Variants in MAP4K3 observed in about 807,000 individuals in gnomAD.
The protein encoded by MAP4K3 is MAPK/ERK kinase kinase kinase 3.
MAP4K3 carries 94 observed loss-of-function variants against 143.5 expected under a neutral mutation model. That is an observed-to-expected ratio of 0.65 (90% CI 0.55 to 0.78). The LOEUF is 0.78. MAP4K3 is among the 30% of genes least tolerant of loss of function. MAP4K3 has a pLI of 0.00. For synonymous variants in MAP4K3, 416 were observed against 347.2 expected, an observed-to-expected ratio of 1.20 and a Z score of -2.20; for missense variants, 1,077 against 1,068.1, an observed-to-expected ratio of 1.01 and a Z score of -0.12.
At chr2:39,350,156 T>C (rs567352731) in intron 3 of MAP4K3, among the ~76,000 whole-genome samples, 2 of 152,204 alleles carry the variant, frequency 1.3e-5, no homozygotes, top group Non-Finnish European at 2.9e-5. Flanking sequence ...GCCTTAAGTG[T>C]TGATAATGCC....
intron 24 of MAP4K3, among the ~76,000 whole-genome samples, chr2:39,277,702 T>C (rs1681330463): frequency 1.3e-5 from 2 of 152,092 alleles, no homozygotes; most frequent in South Asian, 4.2e-4. Context: ...GCAGTTGGGA[T>C]TATAGGCACA....
At chr2:39,341,580 C>T (rs572640326) in intron 4 of MAP4K3, among the ~76,000 whole-genome samples, 14 of 151,594 alleles carry the variant, frequency 9.2e-5, no homozygotes, top group Admixed American at 2.6e-4. Context: ...CACTTGAACC[C>T]GGGAGGTGGA....
At chr2:39,309,933 T>C (rs1213100244) in intron 13 of MAP4K3, among the ~76,000 whole-genome samples, 1 of 152,182 alleles carries the variant, frequency 6.6e-6, no homozygotes, top group Non-Finnish European at 1.5e-5. Flanking sequence ...CATTTAATGC[T>C]ACCATCAACC....
chr2:39,309,703 G>A (rs1034063599), intron 13 of MAP4K3, among the ~76,000 whole-genome samples, 184 bp from the exon 14 acceptor site: 1 of 151,238 alleles, frequency 6.6e-6, no homozygotes, highest in Non-Finnish European at 1.5e-5. Flanking sequence ...GACTACAGGC[G>A]CCCTCCACCA....
At chr2:39,346,803 G>C (rs761993072) in intron 3 of MAP4K3, among the ~76,000 whole-genome samples, 2 of 152,026 alleles carry the variant, frequency 1.3e-5, no homozygotes, top group African/African-American at 4.8e-5. Flanking sequence ...ACTCTATGCA[G>C]ATTACTTAGA....
intron 16 of MAP4K3, among the ~76,000 whole-genome samples, chr2:39,297,217 A>C (rs1682317721): frequency 6.6e-6 from 1 of 151,894 alleles, no homozygotes; most frequent in Non-Finnish European, 1.5e-5. Flanking sequence ...TCCTGGGTTC[A>C]AGCGATTCCC....
chr2:39,436,651 G>T, intron 1 of MAP4K3: 1 of 545,066 alleles, frequency 1.8e-6, no homozygotes, highest in South Asian at 2.0e-5. Flanking sequence ...CGCGCAAGAA[G>T]GGAGGTGGCA....
At chr2:39,273,042 A>G (rs1343694411) in intron 24 of MAP4K3, among the ~76,000 whole-genome samples, 1 of 151,998 alleles carries the variant, frequency 6.6e-6, no homozygotes, top group Non-Finnish European at 1.5e-5. Context: ...GATGATGAAA[A>G]CTCATAAATC....
intron 24 of MAP4K3, among the ~76,000 whole-genome samples, chr2:39,276,414 C>A (rs1394362083): frequency 1.3e-5 from 2 of 152,198 alleles, no homozygotes; most frequent in East Asian, 3.9e-4. Flanking sequence ...TTCTAGATCT[C>A]TGATCTTTCT....
At chr2:39,314,924 T>C (rs1423430479) in intron 13 of MAP4K3, among the ~76,000 whole-genome samples, 1 of 152,236 alleles carries the variant, frequency 6.6e-6, no homozygotes, top group African/African-American at 2.4e-5. Context: ...CCTTGGATCA[T>C]GAGTGCATGA....
At chr2:39,343,607 T>G (rs1234159977) in intron 3 of MAP4K3, among the ~76,000 whole-genome samples, 155 bp from the exon 4 acceptor site, 2 of 152,166 alleles carry the variant, frequency 1.3e-5, no homozygotes, top group Non-Finnish European at 2.9e-5. Context: ...GAGTAATGAA[T>G]TACTTAATAT....
chr2:39,252,302 G>C (rs777678869), intron 32 of MAP4K3, among the ~76,000 whole-genome samples: 25 of 152,236 alleles, frequency 1.6e-4, no homozygotes, highest in Admixed American at 9.8e-4. Flanking sequence ...TTAAAAGGCA[G>C]ACATGCCTTG....
intron 24 of MAP4K3, among the ~76,000 whole-genome samples, chr2:39,273,272 A>C (rs373879908): frequency 6.6e-6 from 1 of 152,152 alleles, no homozygotes. Context: ...CAGCTTCAAC[A>C]ACACCTGGGC....
chr2:39,437,045 G>A lies in MAP4K3; in HGVS notation c.-58C>T. The A allele has an allele frequency of 7.3e-7, 1 of 1,361,174 alleles. No homozygotes were observed. The highest frequency in any genetic ancestry group is 1.0e-6 in the Non-Finnish European group (1 of 987,208). The allele number at this position is 1,361,174 out of a possible 1,614,324, so 84.3% of individuals were successfully genotyped here. On this transcript the variant is annotated 5_prime_UTR_variant, in exon 1 of 34. Transcript: ENST00000263881. Reference sequence around the variant, plus strand: ...GGGCAGGGGAGGGGGGCCGCTCAGGGGGCCACACGGAGAGAGGGCGCCGCG... The same window carrying A: ...GGGCAGGGGAGGGGGGCCGCTCAGGAGGCCACACGGAGAGAGGGCGCCGCG...
chr2:39,377,215 T>TTTTTTTTTTTTTTA (rs1553421056), intron 2 of MAP4K3, among the ~76,000 whole-genome samples: 1 of 150,094 alleles, frequency 6.7e-6, no homozygotes, highest in Non-Finnish European at 1.5e-5. Flanking sequence ...TTTTTTTTTT[T>TTTTTTTTTTTTTTA]AAACAGAAAA....
chr2:39,352,266 G>T (rs2148546914), intron 3 of MAP4K3, among the ~76,000 whole-genome samples: 1 of 152,198 alleles, frequency 6.6e-6, no homozygotes. Context: ...ACAGCAGCCT[G>T]GGCGACAGAG....
At chr2:39,391,083 C>T (rs1435915192) in intron 1 of MAP4K3, among the ~76,000 whole-genome samples, 4 of 151,796 alleles carry the variant, frequency 2.6e-5, no homozygotes, top group East Asian at 1.9e-4. Context: ...AGGCCGGGCG[C>T]GGTGGCTCAA....
intron 24 of MAP4K3, among the ~76,000 whole-genome samples, chr2:39,273,795 C>A (rs903492421): frequency 6.6e-6 from 1 of 152,178 alleles, no homozygotes; most frequent in African/African-American, 2.4e-5. Context: ...ACCTGTGCCT[C>A]AAATAGAGAA....
intron 12 of MAP4K3, among the ~76,000 whole-genome samples, chr2:39,320,225 T>C (rs1237466978): frequency 2.0e-5 from 3 of 152,214 alleles, no homozygotes; most frequent in Non-Finnish European, 4.4e-5. Context: ...AATAGCTGTT[T>C]ACACGTTGCA....
Sources: gnomAD v4.1 joint callset for allele counts (sites outside exome capture counted in the v4.1 genomes callset) on GRCh38, gnomAD v4.1.1 for gene constraint, MANE v1.5 for transcripts, NCBI Gene and HGNC (gene_info 2026-07-23, HGNC 2026-07-21) for gene names.